DPP10: variants seen among roughly 807,000 people sequenced by gnomAD.
DPP10 encodes inactive dipeptidyl peptidase 10.
In DPP10, 33 loss-of-function variants were observed where a neutral mutation model predicts 120.9. That is an observed-to-expected ratio of 0.27 (90% CI 0.21 to 0.37). DPP10 has a LOEUF of 0.37. DPP10 is among the 10% of genes least tolerant of loss of function. The pLI is 1.00. For synonymous variants in DPP10, 337 were observed against 326.1 expected (o/e 1.03, Z -0.36); for missense variants, 816 against 942.8 (o/e 0.87, Z 1.76).
intron 1 of DPP10, among the ~76,000 whole-genome samples, chr2:114,546,101 T>C (rs1360967732): frequency 8.5e-5 from 13 of 152,260 alleles, no homozygotes; most frequent in African/African-American, 2.9e-4. Flanking sequence ...TAATTCAGCA[T>C]TCCCCCCTGT....
chr2:115,308,693 G>GTTTTTTTTTTTTTTTTTTTT (rs3068805), intron 1 of DPP10, among the ~76,000 whole-genome samples: 1 of 126,642 alleles, frequency 7.9e-6, no homozygotes, highest in African/African-American at 2.9e-5. Flanking sequence ...ACTAAATCCT[G>GTTTTTTTTTTTTTTTTTTTT]TTTTTTTTTT....
At chr2:115,125,916 T>G (rs933153986) in intron 1 of DPP10, among the ~76,000 whole-genome samples, 1 of 152,130 alleles carries the variant, frequency 6.6e-6, no homozygotes, top group African/African-American at 2.4e-5. Flanking sequence ...TTAAATTAGA[T>G]TTTTACCAAG....
intron 1 of DPP10, among the ~76,000 whole-genome samples, chr2:115,091,473 G>GT (rs1308561132): frequency 1.3e-5 from 2 of 152,010 alleles, no homozygotes. Context: ...TTTGAAGTTA[G>GT]TTTTTTTGTT....
intron 9 of DPP10, among the ~76,000 whole-genome samples, chr2:115,740,650 A>G (rs868273169): frequency 6.6e-6 from 1 of 152,054 alleles, no homozygotes; most frequent in African/African-American, 2.4e-5. Context: ...CAGCAAAACT[A>G]TTTTCAAGTG....
At chr2:114,963,332 A>G (rs961686138) in intron 1 of DPP10, among the ~76,000 whole-genome samples, 32 of 152,252 alleles carry the variant, frequency 2.1e-4, no homozygotes, top group African/African-American at 5.8e-4. Flanking sequence ...AGTATCTGTC[A>G]AAGTAAACAC....
intron 1 of DPP10, among the ~76,000 whole-genome samples, chr2:114,653,027 AGTGTGTGTGTGTGT>A (rs10528455): frequency 7.4e-6 from 1 of 135,774 alleles, no homozygotes. Context: ...AGAGAGAGAG[AGTGTGTGTGTGTGT>A]GTGTGTGTGT....
chr2:114,922,432 C>T (rs1295717070), intron 1 of DPP10, among the ~76,000 whole-genome samples: 1 of 152,194 alleles, frequency 6.6e-6, no homozygotes, highest in Admixed American at 6.5e-5. Context: ...CCTGCCTCAG[C>T]CTCCTGAGTA....
chr2:114,647,694 G>C (rs1696246453), intron 1 of DPP10, among the ~76,000 whole-genome samples: 1 of 151,210 alleles, frequency 6.6e-6, no homozygotes, highest in South Asian at 2.1e-4. Context: ...TGATGATTCT[G>C]GTTGTTGGTT....
At position 115,406,522 on chromosome 2, in the gene DPP10, CTA is replaced by C. The variant is rs573263266; in HGVS notation, c.271+62612_271+62613del. On this transcript the variant is annotated intron_variant, in intron 3 of 25. Coordinates refer to ENST00000410059, the MANE Select transcript of DPP10 (RefSeq NM_020868.6). Reference sequence around the variant, plus strand: ...ACTTGTTTAAAAGAGAAAGATATGACTATGTGCTGTCTATAAGAGATGAGACT... The same window carrying C: ...ACTTGTTTAAAAGAGAAAGATATGACTGTGCTGTCTATAAGAGATGAGACT... Among the ~76,000 whole-genome samples, 198 of 152,142 alleles carry C rather than the reference CTA, an allele frequency of 1.3e-3. 1 individual carries two copies. The highest frequency in any genetic ancestry group is 4.7e-3 in the African/African-American group (195 of 41,524).
intron 1 of DPP10, among the ~76,000 whole-genome samples, chr2:115,133,482 G>C (rs570675494): frequency 6.6e-6 from 1 of 152,018 alleles, no homozygotes; most frequent in South Asian, 2.1e-4. Flanking sequence ...CTATTGATAA[G>C]GACATGTTCT....
intron 1 of DPP10, among the ~76,000 whole-genome samples, chr2:114,629,823 C>T (rs892547045): frequency 2.6e-5 from 4 of 151,948 alleles, no homozygotes; most frequent in African/African-American, 9.7e-5. Flanking sequence ...CACAAATGTT[C>T]ATAGTAACTT....
intron 1 of DPP10, among the ~76,000 whole-genome samples, chr2:114,513,912 A>C: frequency 6.6e-6 from 1 of 152,240 alleles, no homozygotes. Context: ...AGAAATCAGC[A>C]TAATTATTCC....
intron 1 of DPP10, among the ~76,000 whole-genome samples, chr2:114,694,245 T>C (rs1025403639): frequency 3.9e-5 from 6 of 151,920 alleles, no homozygotes; most frequent in South Asian, 4.1e-4. Flanking sequence ...TAAAACAGCA[T>C]GGAGCCAAGC....
chr2:114,739,704 A>G, intron 1 of DPP10, among the ~76,000 whole-genome samples: 1 of 152,136 alleles, frequency 6.6e-6, no homozygotes, highest in East Asian at 1.9e-4. Flanking sequence ...TTTACCTGCC[A>G]GGCATTCATT....
rs1690433093 is a variant in DPP10, at chr2:115,844,287, A to T, written c.*1942A>T. On this transcript the variant is annotated 3_prime_UTR_variant, in exon 26 of 26. Coordinates refer to ENST00000410059, the MANE Select transcript of DPP10 (RefSeq NM_020868.6). ...AGAGTTTTTTATGATGCAAATGATT[A>T]TGTTGTCTGAAAGGTGTGGTTTTAT... 6.6e-6 allele frequency: 1 copy of T among 152,598 alleles called. No individual in the cohort carries two copies. Among genetic ancestry groups the T allele is most frequent in the African/African-American group, 2.4e-5 (1 of 41,446 alleles). The allele number at this position is 152,598 out of a possible 1,614,324, so 9.5% of individuals were successfully genotyped here.
chr2:115,237,324 A>C lies in DPP10; in HGVS notation c.61-71915A>C, dbSNP rs2058054191. On this transcript the variant is annotated intron_variant, in intron 1 of 25. Coordinates refer to ENST00000410059, the MANE Select transcript of DPP10 (RefSeq NM_020868.6). Reference sequence around the variant, plus strand: ...TCATAATTCTTTTGGAGTGCCATGAACCATGTCAGTATAAAACAGCAAAGT... The same window carrying C: ...TCATAATTCTTTTGGAGTGCCATGACCCATGTCAGTATAAAACAGCAAAGT... Among the ~76,000 whole-genome samples, 3 of 152,116 alleles carry C rather than the reference A, an allele frequency of 2.0e-5. No individual in the cohort carries two copies. The South Asian group carries it at 6.2e-4, about 32-fold the overall frequency.
chr2:115,405,316 G>A (rs1051435651), intron 3 of DPP10, among the ~76,000 whole-genome samples: 10 of 152,190 alleles, frequency 6.6e-5, no homozygotes, highest in Non-Finnish European at 1.3e-4. Flanking sequence ...GAATATTCTT[G>A]TACTTCATGT....
At chr2:115,765,992 G>A (rs1467797726) in intron 12 of DPP10, among the ~76,000 whole-genome samples, 2 of 151,948 alleles carry the variant, frequency 1.3e-5, no homozygotes, top group Non-Finnish European at 2.9e-5. Flanking sequence ...AAACTGTTCA[G>A]TATATTAAAA....
chr2:115,132,079 C>T (rs536934513), intron 1 of DPP10, among the ~76,000 whole-genome samples: 8 of 152,078 alleles, frequency 5.3e-5, no homozygotes, highest in South Asian at 2.1e-4. Flanking sequence ...GACAGAGTGG[C>T]GCCATCTCAA....
Sources: allele counts gnomAD v4.1 joint callset (sites outside exome capture counted in the v4.1 genomes callset), GRCh38; gene constraint gnomAD v4.1.1; transcripts MANE v1.5; gene names NCBI Gene and HGNC (gene_info 2026-07-23, HGNC 2026-07-21).